Variants in CAD observed in about 807,000 individuals in gnomAD.
CAD encodes multifunctional protein CAD.
A neutral mutation model predicts 237.2 loss-of-function variants in CAD; 81 were observed. That is an observed-to-expected ratio of 0.34 (90% CI 0.29 to 0.41). CAD has a LOEUF of 0.41. Ranked by LOEUF, CAD falls within the 10% of genes least tolerant of loss-of-function variation. The pLI is 1.00. For synonymous variants in CAD, 1,196 were observed against 1,162.8 expected (o/e 1.03, Z -0.58); for missense variants, 2,181 against 2,951.7 (o/e 0.74, Z 6.05).
Position 27,237,525 on chromosome 2 carries a change from G to A in CAD, c.4543G>A (p.Ala1515Thr), listed in dbSNP as rs749006975. ...CCGGCCCCCCATCATTGACGCCCCTGCTCTGGCCCTGGCCCAGAAGGTGAG... is the reference window on the plus strand; with the variant it reads ...CCGGCCCCCCATCATTGACGCCCCTACTCTGGCCCTGGCCCAGAAGGTGAG... ...NTRPPIIDAPALALAQKLAEA... is the reference protein window; with the variant it reads ...NTRPPIIDAPTLALAQKLAEA... The change falls in exon 28 of 44, where the codon GCT (alanine) becomes ACT (threonine). Residue 1515 changes from alanine (A) to threonine (T), a missense_variant. Physicochemically the swap from Ala to Thr is moderately conservative, Grantham distance 58. Around this residue, in one of 12 missense-constraint regions of CAD, gnomAD observed 478 missense variants for 515.0 expected, o/e 0.93. Coordinates refer to ENST00000264705, the MANE Select transcript of CAD (RefSeq NM_004341.5). This position sits in a 1 kb window ranked among gnomAD's most constrained non-coding sequence, Gnocchi z 4.0. 2 of 1,613,480 alleles carry A rather than the reference G, an allele frequency of 1.2e-6. No homozygotes were observed. Among genetic ancestry groups the A allele is most frequent in the Admixed American group, 1.7e-5 (1 of 60,008 alleles).
chr2:27,222,930 C>T lies in CAD; in HGVS notation c.702C>T (p.Ser234=). The change falls in exon 6 of 44, where the codon TCC becomes TCT. Residue 234 remains serine, a synonymous_variant. Coordinates refer to ENST00000264705, the MANE Select transcript of CAD (RefSeq NM_004341.5). ...GDPASYPSVV[S]TLSRVLSEPN... ...CTGCCTCCTATCCCAGTGTCGTATC[C>T]ACACTGAGCCGTGTTTTATCTGAGC... 2 of 1,614,018 alleles carry T rather than the reference C, an allele frequency of 1.2e-6. No individual in the cohort carries two copies. The highest frequency in any genetic ancestry group is 1.7e-6 in the Non-Finnish European group (2 of 1,179,904).
At position 27,236,238 on chromosome 2, in the gene CAD, AC is replaced by A; in HGVS notation, c.4075-44del. ...CTCTCCCTTAAGGCTAGCCTTCCTG[AC>A]CGCTGCCAGACAGCTTGGCCCTGAC... On this transcript the variant is annotated intron_variant, in intron 25 of 43. Transcript: ENST00000264705. This position sits in a 1 kb window ranked among gnomAD's most constrained non-coding sequence, Gnocchi z 4.1. 1 of 1,601,624 alleles carries A rather than the reference AC, an allele frequency of 6.2e-7. No homozygotes were observed. Among genetic ancestry groups the A allele is most frequent in the Non-Finnish European group, 8.5e-7 (1 of 1,172,308 alleles).
Position 27,222,348 on chromosome 2 carries a change from G to A in CAD, c.495+12G>A, listed in dbSNP as rs373991313. On this transcript the variant is annotated intron_variant, in intron 4 of 43. Transcript: ENST00000264705. ...AGGTCTCCATTAAGGTACAGAGGTAGAGTGGGAGAGTGTTGCAAGCTCTAG... is the reference window on the plus strand; with the variant it reads ...AGGTCTCCATTAAGGTACAGAGGTAAAGTGGGAGAGTGTTGCAAGCTCTAG... The A allele has an allele frequency of 3.1e-6, 5 of 1,603,052 alleles. No homozygotes were observed. The highest frequency in any genetic ancestry group is 4.3e-6 in the Non-Finnish European group (5 of 1,171,128).
rs1400236196 is a variant in CAD, at chr2:27,243,756, T to C, written c.*238T>C. The C allele has an allele frequency of 5.6e-6, 3 of 537,130 alleles. No individual in the cohort carries two copies. The highest frequency in any genetic ancestry group is 2.6e-5 in the South Asian group (1 of 38,062). The allele number at this position is 537,130 out of a possible 1,614,324, so 33.3% of individuals were successfully genotyped here. A position where few individuals can be genotyped will look rare whatever the true frequency, so the allele number is the denominator to read the frequency against. ...TAAACCTGTACAGTCATTTTTCTAC[T>C]GACTTAATAAACAGCCGAGCTGTCC... is the stretch of plus-strand genomic sequence containing the variant. On this transcript the variant is annotated 3_prime_UTR_variant, in exon 44 of 44. Transcript: ENST00000264705.
Position 27,226,131 on chromosome 2 carries a change from G to A in CAD, c.1843G>A (p.Val615Met), listed in dbSNP as rs1326250529. Residue 615 changes from valine (V) to methionine (M), a missense_variant and splice_region_variant, in exon 13 of 44, where the codon GTG becomes ATG. Coordinates refer to ENST00000264705, the MANE Select transcript of CAD (RefSeq NM_004341.5). ...ACCTCCATGGCACCCCCCTTCACAG[G>A]TGTGTAACATGGAGAACTTGGACCC... ...VRDAYGNCVT[V>M]CNMENLDPLG... The A allele has an allele frequency of 6.2e-7, 1 of 1,613,912 alleles. No homozygotes were observed. Among genetic ancestry groups the A allele is most frequent in the East Asian group, 2.2e-5 (1 of 44,874 alleles).
chr2:27,234,978 G>A (rs920684993), intron 23 of CAD, among the ~76,000 whole-genome samples: 1 of 152,168 alleles, frequency 6.6e-6, no homozygotes, highest in Non-Finnish European at 1.5e-5. Flanking sequence ...CTTCCAAAAG[G>A]GGTGATCTGG....
At chr2:27,243,146 C>A in intron 42 of CAD, 52 bp from the exon 43 acceptor site, 1 of 1,566,598 alleles carries the variant, frequency 6.4e-7, no homozygotes. Context: ...CTTGTGTCCT[C>A]TGTAGCCACT....
rs778481242 is a variant in CAD at position 27,225,926 on chromosome 2, G to T, written c.1842G>T (p.Thr614=). The T allele has an allele frequency of 2.0e-5, 33 of 1,612,978 alleles. No homozygotes were observed. The Middle Eastern group carries it at 8.2e-4, about 40-fold the overall frequency. Residue 614 remains threonine (T), a splice_region_variant and synonymous_variant, in exon 12 of 44, where the codon ACG becomes ACT. Transcript: ENST00000264705. ...GAGACGCCTATGGCAACTGTGTCAC[G>T]GTGAGTGAATGGGGGAAGGGTGGGC... ...VVRDAYGNCV[T]VCNMENLDPL...
Position 27,238,644 on chromosome 2 carries a change from C to T in CAD, c.5062+12C>T, listed in dbSNP as rs1170199714. 3.7e-6 allele frequency: 6 copies of T among 1,600,318 alleles called. No homozygotes were observed. Among genetic ancestry groups the T allele is most frequent in the Non-Finnish European group, 5.1e-6 (6 of 1,172,862 alleles). On this transcript the variant is annotated intron_variant, in intron 31 of 43. Transcript: ENST00000264705. Reference sequence around the variant, plus strand: ...TGCCTCAGACCATGGTGAGAGAATCCAGCATGTACCTCCTCTGCCCAGTGG... The same window carrying T: ...TGCCTCAGACCATGGTGAGAGAATCTAGCATGTACCTCCTCTGCCCAGTGG...
At position 27,237,314 on chromosome 2, in the gene CAD, A is replaced by G. The variant is rs1676061820; in HGVS notation, c.4397-65A>G. The G allele has an allele frequency of 2.6e-6, 4 of 1,540,780 alleles. No individual in the cohort carries two copies. Among genetic ancestry groups the G allele is most frequent in the Non-Finnish European group, 3.6e-6 (4 of 1,119,390 alleles). ...GCTAGGATTACAGGCGTGAGCCACC[A>G]TGTCCAGCTCACCCTTCCTATTTCT... is the stretch of plus-strand genomic sequence containing the variant. On this transcript the variant is annotated intron_variant, in intron 27 of 43. Transcript: ENST00000264705. The surrounding 1 kb of genome is among the most constrained non-coding windows in gnomAD (Gnocchi z 4.0).
chr2:27,220,739 C>G (rs1675118093), intron 2 of CAD, among the ~76,000 whole-genome samples: 1 of 151,772 alleles, frequency 6.6e-6, no homozygotes, highest in Non-Finnish European at 1.5e-5. Flanking sequence ...GGGCAGATCA[C>G]AAGGTCAGGA....
Position 27,240,053 on chromosome 2 carries a change from C to T in CAD, c.5497-212C>T. ...GTCAGGAGTTTAAGACCAGCCTAGC[C>T]AACATGGTGAAACCCCATCTCTACT... On this transcript the variant is annotated intron_variant, in intron 34 of 43. Coordinates refer to ENST00000264705, the MANE Select transcript of CAD (RefSeq NM_004341.5). The surrounding 1 kb of genome is among the most constrained non-coding windows in gnomAD (Gnocchi z 4.6). 1 of 600,908 alleles carries T rather than the reference C, an allele frequency of 1.7e-6. No individual in the cohort carries two copies. The highest frequency in any genetic ancestry group is 3.0e-5 in the Admixed American group (1 of 32,922). 37.2% of individuals were successfully genotyped at this position (600,908 alleles called of 1,614,324 possible).
At position 27,239,707 on chromosome 2, in the gene CAD, C is replaced by G; in HGVS notation, c.5405C>G (p.Pro1802Arg). 1 of 1,587,786 alleles carries G rather than the reference C, an allele frequency of 6.3e-7. No homozygotes were observed. The highest frequency in any genetic ancestry group is 8.6e-7 in the Non-Finnish European group (1 of 1,165,378). Residue 1802 changes from proline (P) to arginine (R), a missense_variant, in exon 34 of 44, where the codon CCC (proline) becomes CGC (arginine). Pro to Arg is a moderately radical substitution (Grantham distance 103). This residue lies in a region of CAD where 478 missense variants were observed against 515.0 expected (regional missense o/e 0.93). Transcript: ENST00000264705. This position sits in a 1 kb window ranked among gnomAD's most constrained non-coding sequence, Gnocchi z 4.0. Reference protein sequence around the residue: ...VAYIDGQVLVPPGYGQDVRKW... With the variant: ...VAYIDGQVLVRPGYGQDVRKW... ...GCCTTCTGCCTGCAGGTTCTGGTAC[C>G]CCCGGGCTATGGACAGGATGTACGG...
chr2:27,217,548 T>G lies in CAD; in HGVS notation c.-4T>G, dbSNP rs972505902. The G allele has an allele frequency of 3.7e-6, 6 of 1,603,404 alleles. No individual in the cohort carries two copies. In the African/African-American group the frequency reaches 8.1e-5, roughly 22 times the overall value. ...ACTCGCCCCCGCCTCTGAGCTCCCT[T>G]CCCATGGCGGCCCTAGTGTTGGAGG... On this transcript the variant is annotated 5_prime_UTR_variant, in exon 1 of 44. Coordinates refer to ENST00000264705, the MANE Select transcript of CAD (RefSeq NM_004341.5).
In CAD at chr2:27,236,484, C is replaced by T. The variant is rs1482881375; in HGVS notation, c.4275C>T (p.Pro1425=). The T allele has an allele frequency of 6.2e-7, 1 of 1,613,474 alleles. No homozygotes were observed. Among genetic ancestry groups the T allele is most frequent in the Non-Finnish European group, 8.5e-7 (1 of 1,180,040 alleles). Residue 1425 remains proline (P), a synonymous_variant, in exon 26 of 44, where the codon CCC becomes CCT. Coordinates refer to ENST00000264705, the MANE Select transcript of CAD (RefSeq NM_004341.5). The surrounding 1 kb of genome is among the most constrained non-coding windows in gnomAD (Gnocchi z 4.1). The stretch of plus-strand genomic sequence containing the variant: ...GCTTGGCCGCTGACTTCTCCGTGCC[C>T]CTAATCATCGATATCAAGTGCACCA... ...TRRLAADFSV[P]LIIDIKCTKL...
rs764726108 is a variant in CAD, at chr2:27,232,250, G to A, written c.2645+26G>A. The A allele has an allele frequency of 5.0e-5, 81 of 1,611,202 alleles. No individual in the cohort carries two copies. Among genetic ancestry groups the A allele is most frequent in the South Asian group, 7.7e-5 (7 of 90,962 alleles). On this transcript the variant is annotated intron_variant, in intron 17 of 43. Transcript: ENST00000264705. This position sits in a 1 kb window ranked among gnomAD's most constrained non-coding sequence, Gnocchi z 4.1. Reference sequence around the variant, plus strand: ...GTCAGAGGTGGCAATGAGAGCTTCCGGCTGGGAAATGTGGGGCAGAACCTT... The same window carrying A: ...GTCAGAGGTGGCAATGAGAGCTTCCAGCTGGGAAATGTGGGGCAGAACCTT...
chr2:27,223,150 T>A (rs1316854048), intron 6 of CAD, 113 bp downstream of exon 6: 1 of 1,151,190 alleles, frequency 8.7e-7, no homozygotes, highest in East Asian at 2.4e-5. Context: ...GCGGGGGGGT[T>A]GCAGGTGAGG....
rs1257382566 is a variant in CAD at position 27,239,735 on chromosome 2, G to A, written c.5433G>A (p.Lys1811=). 1 of 1,593,420 alleles carries A rather than the reference G, an allele frequency of 6.3e-7. No homozygotes were observed. Among genetic ancestry groups the A allele is most frequent in the Admixed American group, 1.8e-5 (1 of 56,664 alleles). ...VPPGYGQDVR[K]WPQGAVPQLP... is the part of the protein sequence containing the mutation. ...CGGGCTATGGACAGGATGTACGGAA[G>A]TGGCCACAGGGGGCTGTTCCTCAGC... The change falls in exon 34 of 44, where the codon AAG becomes AAA. Residue 1811 remains lysine, a synonymous_variant. Transcript: ENST00000264705. The surrounding 1 kb of genome is among the most constrained non-coding windows in gnomAD (Gnocchi z 4.0).
At chr2:27,219,494 C>T (rs577912147) in intron 2 of CAD, among the ~76,000 whole-genome samples, 1 of 151,992 alleles carries the variant, frequency 6.6e-6, no homozygotes, top group Non-Finnish European at 1.5e-5. Context: ...AGGCACCTGC[C>T]GCCATGCCTG....
Sources: gnomAD v4.1 joint callset for allele counts (sites outside exome capture counted in the v4.1 genomes callset) on GRCh38, gnomAD v4.1.1 for gene constraint, gnomAD v4.1.1 regional missense constraint, Gnocchi (gnomAD v3.1) non-coding constraint, MANE v1.5 for transcripts, NCBI Gene and HGNC (gene_info 2026-07-23, HGNC 2026-07-21) for gene names.